The following SIPA1L3 variants were observed in gnomAD, a reference collection of about 807,000 sequenced individuals.
The protein encoded by SIPA1L3 is signal-induced proliferation-associated 1-like protein 3.
Under a neutral mutation model 150.1 loss-of-function variants are expected in SIPA1L3, and 59 were observed. The observed-to-expected ratio is 0.39, with a 90% CI of 0.32 to 0.49. The LOEUF (loss-of-function observed/expected upper bound fraction) is 0.49, where lower values mean the gene tolerates loss of function less well. Ranked by LOEUF, SIPA1L3 falls within the 20% of genes least tolerant of loss-of-function variation. SIPA1L3 has a pLI of 0.86. For synonymous variants in SIPA1L3, 1,070 were observed against 1,077.6 expected (o/e 0.99, Z 0.14); for missense variants, 2,211 against 2,489.5 (o/e 0.89, Z 2.38).
intron 2 of SIPA1L3, among the ~76,000 whole-genome samples, chr19:38,067,288 C>T (rs973466732): frequency 6.6e-6 from 1 of 151,996 alleles, no homozygotes; most frequent in Non-Finnish European, 1.5e-5. Context: ...GGAGAAAACT[C>T]TACTGATTTA....
intron 2 of SIPA1L3, among the ~76,000 whole-genome samples, chr19:38,039,693 CAAAAAAAAAA>C (rs60084757): frequency 2.7e-5 from 2 of 73,532 alleles, no homozygotes; most frequent in South Asian, 4.7e-4. Flanking sequence ...GACTCTGTCT[CAAAAAAAAAA>C]AAAAAAAAAA....
At chr19:38,122,816 C>T (rs1297516736) in intron 9 of SIPA1L3, among the ~76,000 whole-genome samples, 1 of 152,228 alleles carries the variant, frequency 6.6e-6, no homozygotes, top group African/African-American at 2.4e-5. Context: ...CTGATCACCA[C>T]ATGGCTCGCT....
chr19:38,008,209 A>G (rs754715793), intron 1 of SIPA1L3, among the ~76,000 whole-genome samples: 4 of 139,492 alleles, frequency 2.9e-5, no homozygotes, highest in Non-Finnish European at 6.1e-5. Flanking sequence ...AGAAATCACC[A>G]TAGGCTGCTT....
rs1555782600 is a variant in SIPA1L3 at position 38,065,902 on chromosome 19, C to CTTATTTATCTATTTAT, written c.-310-15346_-310-15345insCTATTTATTTATTTAT. On this transcript the variant is annotated intron_variant, in intron 2 of 21. Coordinates refer to ENST00000222345, the MANE Select transcript of SIPA1L3 (RefSeq NM_015073.3). ...TTGCTCTGTTGCCCGGGTTTGATCT[C>CTTATTTATCTATTTAT]TTATTTATTTATCTATTTATTTATT... 8.0e-5 allele frequency among the ~76,000 whole-genome samples: 7 copies of CTTATTTATCTATTTAT among 87,592 alleles called. 1 individual carries two copies. The East Asian group carries it at 1.4e-3, about 17-fold the overall frequency. The allele number at this position is 87,592 out of a possible 152,430, so 57.5% of individuals were successfully genotyped here.
chr19:38,118,642 T>C (rs1238284924), intron 8 of SIPA1L3, among the ~76,000 whole-genome samples: 2 of 151,760 alleles, frequency 1.3e-5, no homozygotes, highest in Admixed American at 6.6e-5. Flanking sequence ...CACGCCGTTC[T>C]CCTGTCTCAG....
intron 15 of SIPA1L3, among the ~76,000 whole-genome samples, chr19:38,178,829 C>G (rs1363147970): frequency 6.6e-6 from 1 of 152,140 alleles, no homozygotes; most frequent in Non-Finnish European, 1.5e-5. Flanking sequence ...TTCTGATGCT[C>G]TTGTCTCCTG....
chr19:37,993,598 A>C (rs974474746), intron 1 of SIPA1L3, among the ~76,000 whole-genome samples: 1 of 152,246 alleles, frequency 6.6e-6, no homozygotes, highest in African/African-American at 2.4e-5. Context: ...TGTAAATCGC[A>C]GATACGTTCA....
intron 2 of SIPA1L3, among the ~76,000 whole-genome samples, chr19:38,036,827 C>T (rs887743887): frequency 1.3e-5 from 2 of 152,120 alleles, no homozygotes; most frequent in African/African-American, 2.4e-5. Context: ...CCCCCACTCG[C>T]CCCATCCCGG....
At chr19:37,915,029 C>A (rs970729853) in intron 1 of SIPA1L3, among the ~76,000 whole-genome samples, 1 of 152,132 alleles carries the variant, frequency 6.6e-6, no homozygotes, top group African/African-American at 2.4e-5. Flanking sequence ...CAGGCAGAGG[C>A]AAATTGAGGA....
intron 15 of SIPA1L3, among the ~76,000 whole-genome samples, chr19:38,169,500 ACCTCTCTGGG>A (rs1445497250): frequency 6.6e-6 from 1 of 152,014 alleles, no homozygotes; most frequent in Non-Finnish European, 1.5e-5. Flanking sequence ...AAGTAACTGA[ACCTCTCTGGG>A]CCTCAGTTTC....
At chr19:38,075,121 A>AT (rs1250337225) in intron 2 of SIPA1L3, among the ~76,000 whole-genome samples, 3 of 152,224 alleles carry the variant, frequency 2.0e-5, no homozygotes, top group African/African-American at 7.2e-5. Flanking sequence ...CTATGTATAC[A>AT]TGAATTTTTT....
chr19:38,077,858 A>G (rs560347196), intron 2 of SIPA1L3, among the ~76,000 whole-genome samples: 5 of 151,272 alleles, frequency 3.3e-5, no homozygotes, highest in South Asian at 4.2e-4. Context: ...TTTAGTAGAG[A>G]CGGGGTTTCA....
intron 12 of SIPA1L3, among the ~76,000 whole-genome samples, chr19:38,147,895 G>A (rs1971735169): frequency 6.6e-6 from 1 of 152,134 alleles, no homozygotes; most frequent in Admixed American, 6.5e-5. Context: ...ATGAGAACCC[G>A]GGACTATGGT....
At chr19:38,145,651 G>T (rs184213698) in intron 12 of SIPA1L3, among the ~76,000 whole-genome samples, 2 of 151,892 alleles carry the variant, frequency 1.3e-5, no homozygotes, top group South Asian at 4.2e-4. Context: ...GCAAGAGGTT[G>T]ACATGGGTAC....
At chr19:38,089,981 A>G (rs1970224859) in intron 4 of SIPA1L3, among the ~76,000 whole-genome samples, 1 of 152,068 alleles carries the variant, frequency 6.6e-6, no homozygotes, top group Non-Finnish European at 1.5e-5. Context: ...TCACCATGTC[A>G]TGGGAACATG....
chr19:38,116,616 G>A (rs855634), intron 8 of SIPA1L3, among the ~76,000 whole-genome samples: 34,467 of 151,438 alleles, frequency 0.23, 5,174 homozygotes, highest in African/African-American at 0.43. Flanking sequence ...GGGAGGCCAA[G>A]GCGGGCAGAT....
intron 1 of SIPA1L3, among the ~76,000 whole-genome samples, chr19:37,937,741 C>CAAAAAAAAAAAA (rs34881450): frequency 0.01 from 193 of 18,666 alleles, 37 homozygotes; most frequent in Non-Finnish European, 0.012. Context: ...AACCCTGTCT[C>CAAAAAAAAAAAA]AAAAAAAAAA....
intron 1 of SIPA1L3, among the ~76,000 whole-genome samples, chr19:37,931,195 C>T (rs1158501538): frequency 6.6e-6 from 1 of 152,204 alleles, no homozygotes; most frequent in Non-Finnish European, 1.5e-5. Flanking sequence ...TTTTTGTGAG[C>T]CACAAGCATA....
intron 11 of SIPA1L3, 107 bp from the exon 12 acceptor site, chr19:38,142,466 T>G: frequency 3.1e-6 from 4 of 1,282,476 alleles, no homozygotes; most frequent in Admixed American, 2.3e-5. Flanking sequence ...TCGGTTGGTC[T>G]GTCTGTCTGT....
Sources: gnomAD v4.1 joint callset for allele counts (sites outside exome capture counted in the v4.1 genomes callset) on GRCh38, gnomAD v4.1.1 for gene constraint, MANE v1.5 for transcripts, NCBI Gene and HGNC (gene_info 2026-07-23, HGNC 2026-07-21) for gene names.